GLS: variants seen among roughly 807,000 people sequenced by gnomAD.
GLS encodes the protein glutaminase.
GLS carries 36 observed loss-of-function variants against 86.7 expected under a neutral mutation model. That is an observed-to-expected ratio of 0.42 (90% CI 0.32 to 0.55). The LOEUF (loss-of-function observed/expected upper bound fraction) is 0.55. Ranked by LOEUF, GLS falls within the 20% of genes least tolerant of loss-of-function variation. The pLI, the probability that GLS is intolerant of heterozygous loss-of-function variation, is 0.17. For synonymous variants in GLS, 317 were observed against 305.9 expected, an observed-to-expected ratio of 1.04 and a Z score of -0.38; for missense variants, 528 against 833.4, an observed-to-expected ratio of 0.63 and a Z score of 4.51.
intron 3 of GLS, among the ~76,000 whole-genome samples, chr2:190,896,897 A>G (rs1688762463): frequency 6.6e-6 from 1 of 152,130 alleles, no homozygotes; most frequent in Non-Finnish European, 1.5e-5. Context: ...TCTGCACAAT[A>G]TTCTGATTAA....
At chr2:190,922,096 T>C (rs1689754693) in intron 9 of GLS, among the ~76,000 whole-genome samples, 1 of 152,136 alleles carries the variant, frequency 6.6e-6, no homozygotes, top group South Asian at 2.1e-4. Flanking sequence ...GTAAATATTT[T>C]AAGCTTGTGT....
chr2:190,950,449 T>C (rs927953221), intron 14 of GLS, among the ~76,000 whole-genome samples: 3 of 152,144 alleles, frequency 2.0e-5, no homozygotes, highest in South Asian at 2.1e-4. Flanking sequence ...TCCAAACATA[T>C]TTTGCAGGAA....
At chr2:190,957,456 T>C (rs928019261) in intron 17 of GLS, among the ~76,000 whole-genome samples, 2 of 152,084 alleles carry the variant, frequency 1.3e-5, no homozygotes, top group Non-Finnish European at 2.9e-5. Flanking sequence ...TGAATAGGAG[T>C]GGTCACAGAG....
At chr2:190,892,276 GAGAC>G (rs1174593268) in intron 1 of GLS, among the ~76,000 whole-genome samples, 4 of 152,148 alleles carry the variant, frequency 2.6e-5, no homozygotes, top group Non-Finnish European at 5.9e-5. Context: ...GGAAACGAGA[GAGAC>G]AGTATAAGTT....
At chr2:190,933,960 A>G in intron 14 of GLS, 1 of 929,146 alleles carries the variant, frequency 1.1e-6, no homozygotes, top group South Asian at 5.0e-5. Flanking sequence ...ACTTGTTTTT[A>G]AGAGAACTAT....
intron 14 of GLS, among the ~76,000 whole-genome samples, chr2:190,948,813 A>G (rs17815942): frequency 0.44 from 67,546 of 151,994 alleles, 18,681 homozygotes; most frequent in Non-Finnish European, 0.62. Context: ...ATAACATATC[A>G]GTGAGAAATG....
rs1574549168 is a variant in GLS at position 190,880,890 on chromosome 2, A to C, written c.-195A>C. On this transcript the variant is annotated 5_prime_UTR_variant, in exon 1 of 18. Transcript: ENST00000320717. ...CCTAGCGCGCAGCAGCAGCAGCAGC[A>C]GCAGCAGCAGCAGCAGCAGCAGCAG... The C allele has an allele frequency of 2.1e-6, 1 of 478,738 alleles. No homozygotes were observed. The highest frequency in any genetic ancestry group is 3.2e-6 in the Non-Finnish European group (1 of 317,122). The allele number at this position is 478,738 out of a possible 1,614,324, so 29.7% of individuals were successfully genotyped here.
At chr2:190,889,102 A>G in intron 1 of GLS, among the ~76,000 whole-genome samples, 1 of 152,222 alleles carries the variant, frequency 6.6e-6, no homozygotes, top group East Asian at 1.9e-4. Flanking sequence ...AAAACTGAGA[A>G]TTAAGCTTGG....
At chr2:190,892,440 T>C (rs1688597412) in intron 1 of GLS, among the ~76,000 whole-genome samples, 1 of 152,150 alleles carries the variant, frequency 6.6e-6, no homozygotes, top group Non-Finnish European at 1.5e-5. Flanking sequence ...TAATTGTTGA[T>C]GATAAGATTT....
At chr2:190,912,929 C>T (rs959328321) in intron 7 of GLS, among the ~76,000 whole-genome samples, 1 of 152,132 alleles carries the variant, frequency 6.6e-6, no homozygotes, top group African/African-American at 2.4e-5. Context: ...GAAACAGGCC[C>T]TTTTCCAAGA....
chr2:190,881,513 G>A, intron 1 of GLS, 43 bp downstream of exon 1: 2 of 1,520,978 alleles, frequency 1.3e-6, no homozygotes, highest in South Asian at 1.2e-5. Context: ...TTCCTTTCGG[G>A]GCCCGGGCTC....
intron 1 of GLS, among the ~76,000 whole-genome samples, chr2:190,883,544 T>C (rs1574553610): frequency 6.6e-6 from 1 of 152,260 alleles, no homozygotes; most frequent in East Asian, 1.9e-4. Context: ...TGGCGTGTGT[T>C]AAATGACACA....
intron 1 of GLS, among the ~76,000 whole-genome samples, chr2:190,889,775 T>C (rs958047598): frequency 6.6e-6 from 1 of 152,196 alleles, no homozygotes; most frequent in Admixed American, 6.5e-5. Context: ...AGGGGCAGCC[T>C]GACCATTTCC....
At chr2:190,940,022 A>G (rs926219967) in intron 14 of GLS, among the ~76,000 whole-genome samples, 2 of 151,858 alleles carry the variant, frequency 1.3e-5, no homozygotes, top group Admixed American at 6.6e-5. Context: ...GTATCTTTAT[A>G]TATGTTCACT....
Position 190,905,151 on chromosome 2 carries a change from A to C in GLS, c.963A>C (p.Leu321=), listed in dbSNP as rs1193489370. The change falls in exon 6 of 18, where the codon CTA becomes CTC. Residue 321 remains leucine (L), a synonymous_variant. Coordinates refer to ENST00000320717, the MANE Select transcript of GLS (RefSeq NM_014905.5). This position sits in a 1 kb window ranked among gnomAD's most constrained non-coding sequence, Gnocchi z 4.6. ...CGAGTGGACTAAGATTCAACAAACT[A>C]TTTTTGAATGAAGATGGTAAGAATT... is the stretch of plus-strand genomic sequence containing the variant. ...KEPSGLRFNK[L]FLNEDDKPHN... 40 of 1,592,300 alleles carry C rather than the reference A, an allele frequency of 2.5e-5. 1 individual carries two copies. Among genetic ancestry groups the C allele is most frequent in the Non-Finnish European group, 3.4e-5 (40 of 1,164,138 alleles).
At position 190,956,089 on chromosome 2, in the gene GLS, A is replaced by G. The variant is rs1395728680; in HGVS notation, c.1853+1271A>G. 2.0e-5 allele frequency among the ~76,000 whole-genome samples: 3 copies of G among 152,106 alleles called. No individual in the cohort carries two copies. Among genetic ancestry groups the G allele is most frequent in the South Asian group, 2.1e-4 (1 of 4,834 alleles). ...TGTAGGTTGCCTGTTCGCCCTGATG[A>G]TAGTTTCTTTTGCTGTGCAGAAGCT... is the stretch of plus-strand genomic sequence containing the variant. On this transcript the variant is annotated intron_variant, in intron 17 of 17. Transcript: ENST00000320717. The surrounding 1 kb of genome is among the most constrained non-coding windows in gnomAD (Gnocchi z 4.2).
intron 14 of GLS, among the ~76,000 whole-genome samples, chr2:190,939,163 A>T (rs941662175): frequency 3.3e-5 from 5 of 151,642 alleles, no homozygotes; most frequent in Non-Finnish European, 7.4e-5. Flanking sequence ...TGGATCTGTG[A>T]GTGGCCCCCA....
At position 190,920,926 on chromosome 2, in the gene GLS, G is replaced by A. The variant is rs914032712; in HGVS notation, c.1039-98G>A. Reference sequence around the variant, plus strand: ...TCCTAGATTTAAAAATACTAATGCAGTATATTATAATAGTAGCTTTGAAAT... The same window carrying A: ...TCCTAGATTTAAAAATACTAATGCAATATATTATAATAGTAGCTTTGAAAT... On this transcript the variant is annotated intron_variant, in intron 7 of 17. Coordinates refer to ENST00000320717, the MANE Select transcript of GLS (RefSeq NM_014905.5). The surrounding 1 kb of genome is among the most constrained non-coding windows in gnomAD (Gnocchi z 4.2). 2 of 660,582 alleles carry A rather than the reference G, an allele frequency of 3.0e-6. No homozygotes were observed. Among genetic ancestry groups the A allele is most frequent in the Non-Finnish European group, 5.5e-6 (2 of 362,882 alleles). The allele number at this position is 660,582 out of a possible 1,614,324, so 40.9% of individuals were successfully genotyped here. A position where few individuals can be genotyped will look rare whatever the true frequency, so the allele number is the denominator to read the frequency against.
rs1255361615 is a variant in GLS, at chr2:190,880,966, C to G, written c.-119C>G. ...CCGAGCCGGAACCACACCCAAGTAG[C>G]TGCCCTTTCCTCTTCTGTCATCTCA... On this transcript the variant is annotated 5_prime_UTR_variant, in exon 1 of 18. Transcript: ENST00000320717. The G allele has an allele frequency of 8.4e-7, 1 of 1,187,268 alleles. No homozygotes were observed. The highest frequency in any genetic ancestry group is 1.2e-6 in the Non-Finnish European group (1 of 840,864). 73.5% of individuals were successfully genotyped at this position (1,187,268 alleles called of 1,614,324 possible). A position where few individuals can be genotyped will look rare whatever the true frequency, so the allele number is the denominator to read the frequency against.
Sources: gnomAD v4.1 joint callset for allele counts (sites outside exome capture counted in the v4.1 genomes callset) on GRCh38, gnomAD v4.1.1 for gene constraint, Gnocchi (gnomAD v3.1) non-coding constraint, MANE v1.5 for transcripts, NCBI Gene and HGNC (gene_info 2026-07-23, HGNC 2026-07-21) for gene names.